Variants in WDFY4 observed in about 807,000 individuals in gnomAD.
WDFY4 encodes WDFY family member 4.
A neutral mutation model predicts 351.9 loss-of-function variants in WDFY4; 169 were observed. The observed-to-expected ratio is 0.48, with a 90% CI of 0.42 to 0.55. The LOEUF (loss-of-function observed/expected upper bound fraction) is 0.55, where lower values mean the gene tolerates loss of function less well. Ranked by LOEUF, WDFY4 falls within the 20% of genes least tolerant of loss-of-function variation. The pLI, the probability that WDFY4 is intolerant of heterozygous loss-of-function variation, is 0.00. For missense variants in WDFY4, 3,803 were observed against 3,935.6 expected, an observed-to-expected ratio of 0.97 and a Z score of 0.90; for synonymous variants, 1,622 against 1,574.6, an observed-to-expected ratio of 1.03 and a Z score of -0.71.
intron 26 of WDFY4, 123 bp downstream of exon 26, chr10:48,805,544 T>G: frequency 7.4e-7 from 1 of 1,359,568 alleles, no homozygotes. Flanking sequence ...TCTAGGAATT[T>G]TTGCCCAGGG....
At position 48,721,851 on chromosome 10, in the gene WDFY4, T is replaced by G. The variant is rs75164575; in HGVS notation, c.456+484T>G. Reference sequence around the variant, plus strand: ...GCAGTCTATCTGATTCTAGAACCCATGCTCTGAGCCACTGTTCTTTATTTC... The same window carrying G: ...GCAGTCTATCTGATTCTAGAACCCAGGCTCTGAGCCACTGTTCTTTATTTC... On this transcript the variant is annotated intron_variant, in intron 4 of 61. Coordinates refer to ENST00000325239, the MANE Select transcript of WDFY4 (RefSeq NM_001394531.1). Among the ~76,000 whole-genome samples the G allele has an allele frequency of 2.6e-5, 4 of 152,024 alleles. No homozygotes were observed. In the East Asian group the frequency reaches 7.7e-4, roughly 29 times the overall value.
intron 9 of WDFY4, among the ~76,000 whole-genome samples, chr10:48,732,468 A>G (rs1589477571): frequency 6.6e-6 from 1 of 151,994 alleles, no homozygotes; most frequent in Non-Finnish European, 1.5e-5. Flanking sequence ...AGGGTCAGGG[A>G]GCTCTCTAGC....
At chr10:48,921,392 C>T (rs770096427) in intron 47 of WDFY4, among the ~76,000 whole-genome samples, 3 of 152,046 alleles carry the variant, frequency 2.0e-5, no homozygotes, top group South Asian at 2.1e-4. Flanking sequence ...CTTTAACAAA[C>T]GATGTTGAAA....
chr10:48,732,652 A>G (rs1249391623), intron 9 of WDFY4, among the ~76,000 whole-genome samples: 1 of 152,236 alleles, frequency 6.6e-6, no homozygotes, highest in Admixed American at 6.5e-5. Context: ...CTTCCTCGGT[A>G]AAACAGGGTA....
chr10:48,892,348 T>C (rs932457056), intron 44 of WDFY4, among the ~76,000 whole-genome samples: 2 of 152,262 alleles, frequency 1.3e-5, no homozygotes, highest in African/African-American at 4.8e-5. Context: ...AGATTTTATG[T>C]ACTCACTTGA....
At chr10:48,825,358 A>G (rs1167024425) in intron 35 of WDFY4, among the ~76,000 whole-genome samples, 1 of 152,086 alleles carries the variant, frequency 6.6e-6, no homozygotes, top group Non-Finnish European at 1.5e-5. Flanking sequence ...CCAATCTATC[A>G]TTGATAGACA....
intron 28 of WDFY4, among the ~76,000 whole-genome samples, chr10:48,810,055 T>A (rs2067396523): frequency 6.6e-6 from 1 of 152,222 alleles, no homozygotes; most frequent in Admixed American, 6.5e-5. Context: ...TGTTTCTTTT[T>A]TTTTGGTGCT....
intron 39 of WDFY4, among the ~76,000 whole-genome samples, chr10:48,842,960 A>T: frequency 6.6e-6 from 1 of 152,178 alleles, no homozygotes; most frequent in Non-Finnish European, 1.5e-5. Context: ...AATGGGGTTA[A>T]AGTTGGTTTG....
At chr10:48,863,798 AC>A (rs1265983518) in intron 39 of WDFY4, among the ~76,000 whole-genome samples, 1 of 152,184 alleles carries the variant, frequency 6.6e-6, no homozygotes, top group East Asian at 1.9e-4. Context: ...TAATTGACTC[AC>A]AGTTTGGCAT....
At chr10:48,785,013 A>G (rs369956948) in intron 19 of WDFY4, among the ~76,000 whole-genome samples, 51 of 149,784 alleles carry the variant, frequency 3.4e-4, no homozygotes, top group African/African-American at 1.3e-3. Context: ...ACCCACCACC[A>G]TGCCTGGCTA....
intron 37 of WDFY4, 50 bp from the exon 38 acceptor site, chr10:48,830,650 G>A: frequency 6.5e-7 from 1 of 1,528,626 alleles, no homozygotes; most frequent in Middle Eastern, 2.2e-4. Context: ...AGCCCTCTCT[G>A]GGAGGGTCAC....
At chr10:48,970,062 C>T (rs558142381) in intron 56 of WDFY4, 69 bp from the exon 57 acceptor site, 155 of 1,509,008 alleles carry the variant, frequency 1.0e-4, no homozygotes, top group Admixed American at 1.4e-4. Flanking sequence ...CACATACCCC[C>T]GTGACTCTAT....
chr10:48,905,281 G>A (rs61848081), intron 47 of WDFY4, among the ~76,000 whole-genome samples: 20,124 of 152,202 alleles, frequency 0.13, 1,479 homozygotes, highest in Middle Eastern at 0.21. Flanking sequence ...GAGGAATGCA[G>A]AAGAGGAGCT....
chr10:48,727,924 G>A (rs555888689), intron 7 of WDFY4, among the ~76,000 whole-genome samples: 18 of 152,300 alleles, frequency 1.2e-4, no homozygotes, highest in African/African-American at 4.3e-4. Context: ...CCAAACAGAA[G>A]CCCTGTCTGT....
At chr10:48,777,129 T>TA in intron 16 of WDFY4, 145 bp downstream of exon 16, 1 of 1,082,524 alleles carries the variant, frequency 9.2e-7, no homozygotes, top group Non-Finnish European at 1.3e-6. Context: ...GACACCCGCC[T>TA]ACTCAGCGGC....
chr10:48,811,561 A>G lies in WDFY4; in HGVS notation c.5067A>G (p.Pro1689=), dbSNP rs1202390697. Residue 1689 remains proline, a synonymous_variant, in exon 30 of 62, where the codon CCA becomes CCG. Transcript: ENST00000325239. ...TAGACAACCTGAAGAGCCAGTCACC[A>G]CTGCCTGAGCAAAGCCCATGCCTGC... ...IVMDNLKSQS[P]LPEQSPCLLP... is the part of the protein sequence containing the mutation. 1 of 1,552,128 alleles carries G rather than the reference A, an allele frequency of 6.4e-7. No homozygotes were observed. The highest frequency in any genetic ancestry group is 8.7e-7 in the Non-Finnish European group (1 of 1,147,134).
chr10:48,930,597 C>T (rs976700274), intron 47 of WDFY4, among the ~76,000 whole-genome samples: 1 of 152,098 alleles, frequency 6.6e-6, no homozygotes, highest in African/African-American at 2.4e-5. Flanking sequence ...CTATGGAGAA[C>T]ACATGGAGGC....
intron 13 of WDFY4, among the ~76,000 whole-genome samples, chr10:48,773,219 T>C (rs568549650): frequency 6.6e-6 from 1 of 152,334 alleles, no homozygotes; most frequent in Non-Finnish European, 1.5e-5. Flanking sequence ...AGTTCAACCA[T>C]TGTGGAGGGC....
intron 51 of WDFY4, among the ~76,000 whole-genome samples, chr10:48,953,217 A>C (rs1841415605): frequency 6.6e-6 from 1 of 151,680 alleles, no homozygotes; most frequent in Non-Finnish European, 1.5e-5. Context: ...CCTAGTTCTA[A>C]TCCTAGTCTG....
Sources: allele counts gnomAD v4.1 joint callset (sites outside exome capture counted in the v4.1 genomes callset), GRCh38; gene constraint gnomAD v4.1.1; transcripts MANE v1.5; gene names NCBI Gene and HGNC (gene_info 2026-07-23, HGNC 2026-07-21).